TGFB2: variants seen among roughly 807,000 people sequenced by gnomAD.
TGFB2 encodes the protein transforming growth factor beta-2 proprotein.
A neutral mutation model predicts 42.7 loss-of-function variants in TGFB2; 13 were observed. The observed-to-expected ratio is 0.30, with a 90% confidence interval of 0.20 to 0.48. The LOEUF (loss-of-function observed/expected upper bound fraction) is 0.48. Among genes scored for constraint, TGFB2 ranks in the 20% least tolerant of loss-of-function variants. The pLI is 0.99. For missense variants in TGFB2, 390 were observed against 517.5 expected (o/e 0.75, Z 2.39); for synonymous variants, 193 against 193.6 (o/e 1.00, Z 0.03).
At chr1:218,409,737 A>G (rs1659035579) in intron 2 of TGFB2, among the ~76,000 whole-genome samples, 1 of 152,256 alleles carries the variant, frequency 6.6e-6, no homozygotes, top group Admixed American at 6.5e-5. Flanking sequence ...CTTCAGAAGA[A>G]CAAAACCTTT....
intron 1 of TGFB2, among the ~76,000 whole-genome samples, chr1:218,377,858 C>T (rs184621399): frequency 1.6e-4 from 25 of 152,316 alleles, no homozygotes; most frequent in Non-Finnish European, 3.2e-4. Context: ...AATATAACCC[C>T]AGCATCCATC....
chr1:218,366,562 C>T (rs1473237465), intron 1 of TGFB2, among the ~76,000 whole-genome samples: 1 of 152,192 alleles, frequency 6.6e-6, no homozygotes, highest in African/African-American at 2.4e-5. Flanking sequence ...CCTCCTGCCT[C>T]AGCCTTCTGA....
At position 218,346,296 on chromosome 1, in the gene TGFB2, C is replaced by G. The variant is rs1311525614; in HGVS notation, c.-406C>G. 1 of 162,696 alleles carries G rather than the reference C, an allele frequency of 6.1e-6. No individual in the cohort carries two copies. The highest frequency in any genetic ancestry group is 1.3e-5 in the Non-Finnish European group (1 of 75,428). The allele number at this position is 162,696 out of a possible 1,614,324, so 10.1% of individuals were successfully genotyped here. ...ACCTTTTCATCTCTTCCCTTTTGGC[C>G]GGAGGAGCCGAGTTCAGATCCGCCA... On this transcript the variant is annotated 5_prime_UTR_variant, in exon 1 of 7. Coordinates refer to ENST00000366930, the MANE Select transcript of TGFB2 (RefSeq NM_003238.6). This position sits in a 1 kb window ranked among gnomAD's most constrained non-coding sequence, Gnocchi z 4.9.
At chr1:218,377,581 A>T (rs1308752452) in intron 1 of TGFB2, among the ~76,000 whole-genome samples, 1 of 151,978 alleles carries the variant, frequency 6.6e-6, no homozygotes, top group Non-Finnish European at 1.5e-5. Context: ...CCTCCCCCTA[A>T]TGTATTTTAC....
chr1:218,404,838 G>C (rs537538984), intron 1 of TGFB2, among the ~76,000 whole-genome samples: 2 of 152,252 alleles, frequency 1.3e-5, no homozygotes, highest in East Asian at 3.9e-4. Context: ...CTCTCTCCAG[G>C]CATGAACTGT....
intron 1 of TGFB2, among the ~76,000 whole-genome samples, chr1:218,362,600 G>A (rs1396359032): frequency 2.0e-5 from 3 of 151,940 alleles, no homozygotes; most frequent in Non-Finnish European, 4.4e-5. Flanking sequence ...ACCACCAATG[G>A]AAAAAGTTTT....
chr1:218,424,578 A>ACTTC (rs1659559831), intron 2 of TGFB2, among the ~76,000 whole-genome samples: 1 of 152,090 alleles, frequency 6.6e-6, no homozygotes, highest in Non-Finnish European at 1.5e-5. Flanking sequence ...GTTAATGAGC[A>ACTTC]CTCCAGATGT....
At chr1:218,370,759 T>G (rs1571843812) in intron 1 of TGFB2, among the ~76,000 whole-genome samples, 1 of 152,176 alleles carries the variant, frequency 6.6e-6, no homozygotes, top group African/African-American at 2.4e-5. Context: ...GAGCAGCCCC[T>G]AACCCAGGCA....
At chr1:218,429,171 G>A (rs1454471088) in intron 2 of TGFB2, among the ~76,000 whole-genome samples, 1 of 151,954 alleles carries the variant, frequency 6.6e-6, no homozygotes, top group Non-Finnish European at 1.5e-5. Flanking sequence ...AATAGAGACG[G>A]GGTTTCACCA....
chr1:218,440,094 T>C (rs1056115038), intron 6 of TGFB2, among the ~76,000 whole-genome samples: 1 of 152,236 alleles, frequency 6.6e-6, no homozygotes, highest in Non-Finnish European at 1.5e-5. Context: ...AGAATGGGGT[T>C]GAAGGTGTAA....
intron 2 of TGFB2, among the ~76,000 whole-genome samples, chr1:218,415,103 A>G (rs559725870): frequency 4.6e-5 from 7 of 152,348 alleles, no homozygotes; most frequent in Non-Finnish European, 8.8e-5. Flanking sequence ...TGCAGATGAA[A>G]GCACCTACTT....
chr1:218,421,362 TC>T (rs1374415619), intron 2 of TGFB2, among the ~76,000 whole-genome samples: 1 of 140,770 alleles, frequency 7.1e-6, no homozygotes, highest in Middle Eastern at 3.3e-3. Flanking sequence ...TGTTTAAAAT[TC>T]CAAGAAGCAG....
In TGFB2 at chr1:218,368,943, A is replaced by G. The variant is rs115012456; in HGVS notation, c.346+21896A>G. On this transcript the variant is annotated intron_variant, in intron 1 of 6. Transcript: ENST00000366930. ...CGGAGAGAAGAGTGGTTTTAGCCAG[A>G]GGGCCGTGTAGCTGTTAAGAATGGT... is the stretch of plus-strand genomic sequence containing the variant. Among the ~76,000 whole-genome samples, 659 of 152,164 alleles carry G rather than the reference A, an allele frequency of 4.3e-3. 3 individuals are homozygous for G. The highest frequency in any genetic ancestry group is 0.015 in the African/African-American group (607 of 41,512).
At position 218,429,518 on chromosome 1, in the gene TGFB2, C is replaced by G. The variant is rs143694032; in HGVS notation, c.511-4564C>G. On this transcript the variant is annotated intron_variant, in intron 2 of 6. Coordinates refer to ENST00000366930, the MANE Select transcript of TGFB2 (RefSeq NM_003238.6). ...CTTGATGAGTACTTGAATTTTTTCC[C>G]ACCTTTTGACTATTGTGAGTAATGC... Among the ~76,000 whole-genome samples, 17 of 152,212 alleles carry G rather than the reference C, an allele frequency of 1.1e-4. No individual in the cohort carries two copies. In the East Asian group the frequency reaches 3.3e-3, roughly 29 times the overall value.
chr1:218,352,385 T>C (rs927465934), intron 1 of TGFB2, among the ~76,000 whole-genome samples: 2 of 152,208 alleles, frequency 1.3e-5, no homozygotes, highest in East Asian at 1.9e-4. Flanking sequence ...GATAAACAAA[T>C]GCCCATTGTC....
chr1:218,427,185 C>T (rs2102618543), intron 2 of TGFB2, among the ~76,000 whole-genome samples: 1 of 152,246 alleles, frequency 6.6e-6, no homozygotes, highest in East Asian at 1.9e-4. Flanking sequence ...ACATTCACCA[C>T]AATATTGTAT....
intron 1 of TGFB2, among the ~76,000 whole-genome samples, chr1:218,397,518 C>G (rs1187766489): frequency 2.0e-5 from 3 of 149,318 alleles, no homozygotes; most frequent in Admixed American, 6.7e-5. Flanking sequence ...GAGCCGAGAT[C>G]GCGCCACTGC....
intron 1 of TGFB2, among the ~76,000 whole-genome samples, chr1:218,397,915 A>G (rs1658578217): frequency 6.6e-6 from 1 of 152,148 alleles, no homozygotes; most frequent in Non-Finnish European, 1.5e-5. Context: ...TCATACCCAC[A>G]CCTTCTGTGT....
At chr1:218,419,769 G>T (rs1168220063) in intron 2 of TGFB2, among the ~76,000 whole-genome samples, 2 of 152,130 alleles carry the variant, frequency 1.3e-5, no homozygotes, top group East Asian at 3.9e-4. Flanking sequence ...ATATAACTAT[G>T]CATCTTCTGT....
Sources: gnomAD v4.1 joint callset for allele counts (sites outside exome capture counted in the v4.1 genomes callset) on GRCh38, gnomAD v4.1.1 for gene constraint, Gnocchi (gnomAD v3.1) non-coding constraint, MANE v1.5 for transcripts, NCBI Gene and HGNC (gene_info 2026-07-23, HGNC 2026-07-21) for gene names.